Variants in KIAA1549L observed in about 807,000 individuals in gnomAD.
KIAA1549L encodes UPF0606 protein KIAA1549L.
In KIAA1549L, 88 loss-of-function variants were observed where a neutral mutation model predicts 160.7. That is an observed-to-expected ratio of 0.55 (90% CI 0.46 to 0.65). The LOEUF is 0.65. Among genes scored for constraint, KIAA1549L ranks in the 30% least tolerant of loss-of-function variants. The pLI is 0.00. For missense variants in KIAA1549L, 2,258 were observed against 2,437.5 expected (o/e 0.93, Z 1.55); for synonymous variants, 950 against 976.7 (o/e 0.97, Z 0.51).
At chr11:33,420,793 G>T (rs1461899894) in intron 1 of KIAA1549L, among the ~76,000 whole-genome samples, 2 of 152,150 alleles carry the variant, frequency 1.3e-5, no homozygotes, top group African/African-American at 2.4e-5. Context: ...ATGATGAGCA[G>T]ACAATGGGTG....
chr11:33,423,933 G>C (rs1851067822), intron 1 of KIAA1549L, among the ~76,000 whole-genome samples: 1 of 152,170 alleles, frequency 6.6e-6, no homozygotes, highest in African/African-American at 2.4e-5. Context: ...GCAGGCTGAG[G>C]CAGGAGGATT....
chr11:33,575,666 C>T (rs1394273790), intron 10 of KIAA1549L, among the ~76,000 whole-genome samples: 5 of 152,022 alleles, frequency 3.3e-5, no homozygotes, highest in South Asian at 2.1e-4. Context: ...CTATATGACA[C>T]GTGAAGATTT....
intron 1 of KIAA1549L, among the ~76,000 whole-genome samples, chr11:33,535,286 G>T (rs911918819): frequency 9.9e-5 from 15 of 152,080 alleles, no homozygotes; most frequent in Non-Finnish European, 1.9e-4. Context: ...CTTTATCAAG[G>T]CACCAAGAAG....
At chr11:33,582,617 G>T (rs1018408339) in intron 10 of KIAA1549L, among the ~76,000 whole-genome samples, 1 of 152,188 alleles carries the variant, frequency 6.6e-6, no homozygotes, top group African/African-American at 2.4e-5. Context: ...ATACACCCAT[G>T]TAACCCAACT....
chr11:33,634,231 C>T (rs1398499183), intron 16 of KIAA1549L, among the ~76,000 whole-genome samples: 3 of 152,080 alleles, frequency 2.0e-5, no homozygotes, highest in Admixed American at 2.0e-4. Context: ...TTAAGAGAGG[C>T]AGGGTTTCAC....
chr11:33,493,517 C>G (rs1202231627), intron 1 of KIAA1549L, among the ~76,000 whole-genome samples: 1 of 152,130 alleles, frequency 6.6e-6, no homozygotes, highest in Non-Finnish European at 1.5e-5. Context: ...TCCCTGAGTC[C>G]CGGTCTGTTG....
At chr11:33,433,350 G>A (rs1192737856) in intron 1 of KIAA1549L, among the ~76,000 whole-genome samples, 1 of 152,126 alleles carries the variant, frequency 6.6e-6, no homozygotes, top group Admixed American at 6.5e-5. Flanking sequence ...AAGGCTCAAC[G>A]TCACTGATCA....
At chr11:33,437,780 T>C (rs1851410740) in intron 1 of KIAA1549L, among the ~76,000 whole-genome samples, 1 of 152,218 alleles carries the variant, frequency 6.6e-6, no homozygotes, top group African/African-American at 2.4e-5. Context: ...CTGACCTGAC[T>C]ATTTACTAGG....
chr11:33,411,232 T>G (rs1850778955), intron 1 of KIAA1549L, among the ~76,000 whole-genome samples: 1 of 152,238 alleles, frequency 6.6e-6, no homozygotes, highest in African/African-American at 2.4e-5. Flanking sequence ...ATGACCACCC[T>G]CTAATCTGAG....
At chr11:33,585,547 AGT>A (rs1020804296) in intron 11 of KIAA1549L, among the ~76,000 whole-genome samples, 14 of 152,220 alleles carry the variant, frequency 9.2e-5, no homozygotes, top group African/African-American at 3.4e-4. Context: ...AAATAAAAAG[AGT>A]GTGTATTTCA....
chr11:33,656,690 G>T (rs1322805247), intron 18 of KIAA1549L, among the ~76,000 whole-genome samples: 1 of 152,172 alleles, frequency 6.6e-6, no homozygotes, highest in African/African-American at 2.4e-5. Flanking sequence ...GTGCCCTGGG[G>T]TACATGTGGA....
intron 3 of KIAA1549L, among the ~76,000 whole-genome samples, chr11:33,546,777 A>G (rs761795056): frequency 1.3e-5 from 2 of 152,234 alleles, no homozygotes; most frequent in Non-Finnish European, 2.9e-5. Context: ...CTGAAACTGC[A>G]GGTAGTACCA....
intron 1 of KIAA1549L, among the ~76,000 whole-genome samples, chr11:33,446,846 A>G (rs969192851): frequency 2.0e-5 from 3 of 151,160 alleles, no homozygotes; most frequent in Non-Finnish European, 4.4e-5. Context: ...AAAAATTGCA[A>G]TGCCTTTTAT....
intron 8 of KIAA1549L, 52 bp from the exon 9 acceptor site, chr11:33,568,024 A>C: frequency 2.0e-6 from 3 of 1,517,560 alleles, no homozygotes; most frequent in Non-Finnish European, 2.7e-6. Context: ...TGCTTACTGA[A>C]TCAGCAGAAA....
At chr11:33,491,848 G>A (rs1852672009) in intron 1 of KIAA1549L, among the ~76,000 whole-genome samples, 1 of 152,196 alleles carries the variant, frequency 6.6e-6, no homozygotes, top group Non-Finnish European at 1.5e-5. Context: ...GGGACAAAGA[G>A]GGCATGGCCA....
chr11:33,537,421 G>A (rs1590320223), intron 1 of KIAA1549L, among the ~76,000 whole-genome samples: 1 of 152,082 alleles, frequency 6.6e-6, no homozygotes, highest in African/African-American at 2.4e-5. Flanking sequence ...CATACAACAG[G>A]CATTTGCAGA....
rs188483589 is a variant in KIAA1549L, at chr11:33,585,733, A to G, written c.4566+2232A>G. On this transcript the variant is annotated intron_variant, in intron 11 of 20. Coordinates refer to ENST00000658780, the MANE Select transcript of KIAA1549L (RefSeq NM_012194.3). ...CTAATCTGCCAAAATGAGTTGGGCAACACATGATTTCCACATAGCTTCTGG... is the reference window on the plus strand; with the variant it reads ...CTAATCTGCCAAAATGAGTTGGGCAGCACATGATTTCCACATAGCTTCTGG... Among the ~76,000 whole-genome samples, 20 of 152,346 alleles carry G rather than the reference A, an allele frequency of 1.3e-4. 1 individual carries two copies. The East Asian group carries it at 2.9e-3, about 22-fold the overall frequency.
intron 9 of KIAA1549L, among the ~76,000 whole-genome samples, chr11:33,571,752 A>G: frequency 6.6e-6 from 1 of 152,174 alleles, no homozygotes; most frequent in East Asian, 1.9e-4. Context: ...CACTGGGATT[A>G]CACAATTCAA....
intron 1 of KIAA1549L, among the ~76,000 whole-genome samples, chr11:33,495,248 A>G (rs1042150403): frequency 2.6e-5 from 4 of 151,882 alleles, no homozygotes; most frequent in Admixed American, 1.3e-4. Flanking sequence ...CTAGCATTAG[A>G]TATATCTCCC....
Sources: allele counts gnomAD v4.1 joint callset (sites outside exome capture counted in the v4.1 genomes callset), GRCh38; gene constraint gnomAD v4.1.1; transcripts MANE v1.5; gene names NCBI Gene and HGNC (gene_info 2026-07-23, HGNC 2026-07-21).